The following CDK12 variants were observed in gnomAD, a reference collection of about 807,000 sequenced individuals.
CDK12 encodes the protein cyclin-dependent kinase 12.
A neutral mutation model predicts 133.8 loss-of-function variants in CDK12; 17 were observed. That is an observed-to-expected ratio of 0.13 (90% CI 0.09 to 0.19). CDK12 has a LOEUF of 0.19. Ranked by LOEUF, CDK12 falls within the 10% of genes least tolerant of loss-of-function variation. The pLI, the probability that CDK12 is intolerant of heterozygous loss-of-function variation, is 1.00. For missense variants in CDK12, 1,508 were observed against 1,818.7 expected, an observed-to-expected ratio of 0.83 and a Z score of 3.11; for synonymous variants, 694 against 683.6, an observed-to-expected ratio of 1.02 and a Z score of -0.24.
intron 1 of CDK12, among the ~76,000 whole-genome samples, chr17:39,464,820 T>G (rs1340614944): frequency 6.6e-6 from 1 of 151,230 alleles, no homozygotes; most frequent in Non-Finnish European, 1.5e-5. Flanking sequence ...GTCGCGGTGG[T>G]GCACATCTGT....
downstream of CDK12, among the ~76,000 whole-genome samples, chr17:39,538,632 C>A (rs182932140): frequency 3.4e-4 from 52 of 152,304 alleles, no homozygotes; most frequent in East Asian, 9.1e-3. Flanking sequence ...GGAGCGGTGG[C>A]TCACGCCTGT....
intron 5 of CDK12, among the ~76,000 whole-genome samples, chr17:39,498,164 T>G (rs911954745): frequency 3.3e-5 from 5 of 151,892 alleles, no homozygotes; most frequent in African/African-American, 1.2e-4. Context: ...GGCTGGTTTT[T>G]AAAAATTTTG....
intron 7 of CDK12, among the ~76,000 whole-genome samples, chr17:39,510,608 C>T (rs1436824303): frequency 2.0e-5 from 3 of 149,860 alleles, no homozygotes; most frequent in Admixed American, 6.7e-5. Context: ...CTTCTCTTCT[C>T]TTCTCCTCCT....
chr17:39,545,496 CTTTT>C (rs34616390), upstream of CDK12, among the ~76,000 whole-genome samples: 4 of 103,622 alleles, frequency 3.9e-5, no homozygotes, highest in African/African-American at 7.5e-5. Context: ...CCCCAAAAAG[CTTTT>C]TTTTTTTTTT....
intron 2 of CDK12, among the ~76,000 whole-genome samples, chr17:39,474,332 A>G (rs1478365805): frequency 6.6e-6 from 1 of 152,032 alleles, no homozygotes; most frequent in Non-Finnish European, 1.5e-5. Context: ...ATTTCATTTT[A>G]TTTTGAGACA....
intron 13 of CDK12, among the ~76,000 whole-genome samples, chr17:39,526,782 C>A (rs2054523146): frequency 6.6e-6 from 1 of 152,106 alleles, no homozygotes; most frequent in Non-Finnish European, 1.5e-5. Flanking sequence ...AATAAAATAT[C>A]ATTGTTAATT....
intron 2 of CDK12, among the ~76,000 whole-genome samples, chr17:39,472,321 A>T (rs77096292): frequency 0.01 from 1,582 of 151,602 alleles, 27 homozygotes; most frequent in African/African-American, 0.036. Flanking sequence ...TTAAAATTTT[A>T]AAAAAATCGA....
At chr17:39,467,978 C>T (rs1182871373) in intron 1 of CDK12, among the ~76,000 whole-genome samples, 1 of 151,836 alleles carries the variant, frequency 6.6e-6, no homozygotes, top group Non-Finnish European at 1.5e-5. Context: ...ACTGCAACCT[C>T]CGCCTCCCGG....
intron 13 of CDK12, among the ~76,000 whole-genome samples, chr17:39,529,385 G>GT (rs1385355243): frequency 1.3e-4 from 20 of 152,152 alleles, no homozygotes; most frequent in African/African-American, 4.6e-4. Context: ...ACTAAAAACT[G>GT]TTTTTGGCTT....
At chr17:39,543,477 C>T (rs1002936680), upstream of CDK12, among the ~76,000 whole-genome samples, 3 of 152,140 alleles carry the variant, frequency 2.0e-5, no homozygotes, top group African/African-American at 7.2e-5. Context: ...GAGTGGAATA[C>T]TGGAGCATGC....
downstream of CDK12, among the ~76,000 whole-genome samples, chr17:39,565,307 G>A (rs946852077): frequency 1.1e-4 from 17 of 151,858 alleles, no homozygotes; most frequent in Non-Finnish European, 2.2e-4. Flanking sequence ...GTAGAGATGG[G>A]GTTTCACTAT....
At chr17:39,535,176 G>A (rs986097293), downstream of CDK12, 1 of 152,186 alleles carries the variant, frequency 6.6e-6, no homozygotes, top group Non-Finnish European at 1.5e-5. Flanking sequence ...GGATAAATTT[G>A]CCCCTGTGGT....
intron 2 of CDK12, among the ~76,000 whole-genome samples, chr17:39,485,930 A>G (rs1380355194): frequency 4.6e-5 from 7 of 151,762 alleles, no homozygotes; most frequent in African/African-American, 7.3e-5. Flanking sequence ...CACAATTAAA[A>G]TACCTTAATT....
downstream of CDK12, among the ~76,000 whole-genome samples, chr17:39,538,217 A>G (rs895631450): frequency 6.6e-6 from 1 of 152,220 alleles, no homozygotes; most frequent in African/African-American, 2.4e-5. Flanking sequence ...GCATCACATT[A>G]AACAGTTATT....
intron 6 of CDK12, among the ~76,000 whole-genome samples, chr17:39,507,175 C>T (rs1400443353): frequency 2.0e-5 from 3 of 151,714 alleles, no homozygotes; most frequent in African/African-American, 7.3e-5. Flanking sequence ...GGACTACAGG[C>T]GTGAGCCACT....
intron 2 of CDK12, among the ~76,000 whole-genome samples, chr17:39,555,173 A>T (rs1197717871): frequency 6.6e-6 from 1 of 151,476 alleles, no homozygotes; most frequent in Admixed American, 6.6e-5. Context: ...TGAACCCGGG[A>T]GGCAGAGGTT....
At chr17:39,562,038 C>T (rs906105051) in intron 3 of CDK12, among the ~76,000 whole-genome samples, 5 of 152,214 alleles carry the variant, frequency 3.3e-5, no homozygotes, top group Non-Finnish European at 7.3e-5. Context: ...CTCCTGGGTT[C>T]AAGCGATTCT....
chr17:39,505,144 A>T (rs183122819), intron 6 of CDK12, among the ~76,000 whole-genome samples: 1 of 150,178 alleles, frequency 6.7e-6, no homozygotes, highest in Admixed American at 6.7e-5. Flanking sequence ...CAGCGGAATC[A>T]CTTGAACCCA....
intron 6 of CDK12, among the ~76,000 whole-genome samples, chr17:39,504,175 G>A (rs536307167): frequency 1.3e-5 from 2 of 152,298 alleles, no homozygotes; most frequent in South Asian, 4.1e-4. Flanking sequence ...AAGGAAGATG[G>A]AAGAGTAGGA....
Sources: allele counts gnomAD v4.1 joint callset (sites outside exome capture counted in the v4.1 genomes callset), GRCh38; gene constraint gnomAD v4.1.1; transcripts MANE v1.5; gene names NCBI Gene and HGNC (gene_info 2026-07-23, HGNC 2026-07-21).